SLC25A26: variants seen among roughly 807,000 people sequenced by gnomAD.
The protein encoded by SLC25A26 is solute carrier family 25 member 26, also known as mitochondrial S-adenosylmethionine carrier protein.
In SLC25A26, 36 loss-of-function variants were observed where a neutral mutation model predicts 37.8. That is an observed-to-expected ratio of 0.95 (90% CI 0.73 to 1.26). The LOEUF is 1.26. Ranked by LOEUF, SLC25A26 falls within the 50% of genes most tolerant of loss-of-function variation. The probability of loss-of-function intolerance (pLI) is 0.00; values close to 1 mark genes in which losing one functional copy is unlikely to be tolerated. For synonymous variants in SLC25A26, 129 were observed against 122.5 expected, an observed-to-expected ratio of 1.05 and a Z score of -0.35; for missense variants, 390 against 331.1, an observed-to-expected ratio of 1.18 and a Z score of -1.38.
intron 6 of SLC25A26, among the ~76,000 whole-genome samples, chr3:66,349,634 A>G (rs1160328454): frequency 6.6e-6 from 1 of 152,146 alleles, no homozygotes; most frequent in African/African-American, 2.4e-5. Context: ...CCAGTTTTTG[A>G]TGATTATAAA....
intron 1 of SLC25A26, among the ~76,000 whole-genome samples, chr3:66,153,041 A>G (rs2070228704): frequency 6.6e-6 from 1 of 152,224 alleles, no homozygotes; most frequent in Non-Finnish European, 1.5e-5. Flanking sequence ...AGTTAAGGCT[A>G]GGAGCCATTT....
intron 5 of SLC25A26, among the ~76,000 whole-genome samples, chr3:66,316,754 C>A (rs879335451): frequency 1.3e-5 from 2 of 152,148 alleles, no homozygotes; most frequent in Non-Finnish European, 2.9e-5. Flanking sequence ...TCAGGTACCC[C>A]ATCAGCTGTA....
chr3:66,297,965 A>T (rs1576822993), intron 5 of SLC25A26, among the ~76,000 whole-genome samples: 1 of 152,206 alleles, frequency 6.6e-6, no homozygotes. Context: ...CAAATTTGCA[A>T]ATTATGAAAA....
In SLC25A26 at chr3:66,346,402, C is replaced by A; in HGVS notation, c.492C>A (p.Ser164=). ...FSLVQFPLWE[S]LKALWSWRQD... ...TGGTCCAGTTTCCCTTATGGGAGTC[C>A]TTAAAAGTAAGTTTCTCAGTCTTCA... is the stretch of plus-strand genomic sequence containing the variant. Residue 164 remains serine, a synonymous_variant, in exon 6 of 10, where the codon TCC becomes TCA. Coordinates refer to ENST00000354883, the MANE Select transcript of SLC25A26 (RefSeq NM_001379210.1). 1 of 1,472,702 alleles carries A rather than the reference C, an allele frequency of 6.8e-7. No individual in the cohort carries two copies. Among genetic ancestry groups the A allele is most frequent in the Admixed American group, 2.5e-5 (1 of 40,202 alleles). The allele number at this position is 1,472,702 out of a possible 1,614,324, so 91.2% of individuals were successfully genotyped here. A position where few individuals can be genotyped will look rare whatever the true frequency, so the allele number is the denominator to read the frequency against.
intron 5 of SLC25A26, among the ~76,000 whole-genome samples, chr3:66,331,446 A>G (rs2075971806): frequency 6.6e-6 from 1 of 152,120 alleles, no homozygotes. Flanking sequence ...TAACCTTTTA[A>G]ATCTCATTTC....
chr3:66,349,897 C>T (rs1032459011), intron 6 of SLC25A26, among the ~76,000 whole-genome samples: 1 of 152,068 alleles, frequency 6.6e-6, no homozygotes, highest in Non-Finnish European at 1.5e-5. Context: ...TTTTTCCAGC[C>T]ATTCTAGTAC....
At chr3:66,159,423 C>T (rs771289501) in intron 1 of SLC25A26, among the ~76,000 whole-genome samples, 4 of 152,128 alleles carry the variant, frequency 2.6e-5, no homozygotes, top group Non-Finnish European at 5.9e-5. Context: ...AGATTTTGTG[C>T]CATGTAAATT....
At chr3:66,298,092 C>G (rs2074963281) in intron 5 of SLC25A26, among the ~76,000 whole-genome samples, 1 of 152,200 alleles carries the variant, frequency 6.6e-6, no homozygotes, top group Non-Finnish European at 1.5e-5. Flanking sequence ...TTGAGATCTT[C>G]TGAATCAGAA....
chr3:66,362,971 GA>G (rs960354704), intron 7 of SLC25A26, 42 bp downstream of exon 7: 13 of 1,303,188 alleles, frequency 1.0e-5, no homozygotes, highest in South Asian at 5.5e-5. Flanking sequence ...CAAAGAGGGG[GA>G]AAAATGTGAA....
intron 1 of SLC25A26, among the ~76,000 whole-genome samples, chr3:66,227,619 A>G (rs781879556): frequency 7.2e-5 from 11 of 152,224 alleles, no homozygotes; most frequent in Admixed American, 2.0e-4. Flanking sequence ...AATCATGGTA[A>G]CTGAAATTCA....
Position 66,243,240 on chromosome 3 carries a change from G to A in SLC25A26, c.228G>A (p.Trp76Ter). Residue 76 changes from tryptophan to a stop codon, truncating the protein, a stop_gained, in exon 3 of 10, where the codon TGG becomes TGA. Coordinates refer to ENST00000354883, the MANE Select transcript of SLC25A26 (RefSeq NM_001379210.1). LOFTEE classifies it high-confidence loss of function. Reference protein sequence around the residue: ...AFFITYEYVKWFLHADSSSYL... With the variant: ...AFFITYEYVK ...TTATCACCTATGAATATGTGAAGTGGTTTTTGCATGCTGATTCATCTTCAT... is the reference window on the plus strand; with the variant it reads ...TTATCACCTATGAATATGTGAAGTGATTTTTGCATGCTGATTCATCTTCAT... The A allele has an allele frequency of 6.2e-7, 1 of 1,609,306 alleles. No homozygotes were observed. Among genetic ancestry groups the A allele is most frequent in the Non-Finnish European group, 8.5e-7 (1 of 1,177,074 alleles).
At chr3:66,366,382 A>G (rs113475040) in intron 7 of SLC25A26, among the ~76,000 whole-genome samples, 3 of 152,176 alleles carry the variant, frequency 2.0e-5, no homozygotes, top group Admixed American at 2.0e-4. Flanking sequence ...TATTATCTTC[A>G]CAAGTCCTCC....
chr3:66,271,135 T>C (rs1356424555), intron 5 of SLC25A26, among the ~76,000 whole-genome samples: 4 of 152,174 alleles, frequency 2.6e-5, no homozygotes, highest in Admixed American at 2.0e-4. Flanking sequence ...ACCATAGTGT[T>C]GAAGTAGCTC....
intron 6 of SLC25A26, 79 bp downstream of exon 6, chr3:66,346,487 TA>T (rs1486552583): frequency 1.0e-5 from 5 of 484,082 alleles, no homozygotes; most frequent in African/African-American, 6.6e-5. Context: ...GAGTAGAACA[TA>T]ATGTTGACTA....
At chr3:66,326,906 C>T (rs950613297) in intron 5 of SLC25A26, among the ~76,000 whole-genome samples, 2 of 152,198 alleles carry the variant, frequency 1.3e-5, no homozygotes, top group Non-Finnish European at 2.9e-5. Flanking sequence ...ACTTATAGGC[C>T]ATGCAGACTG....
intron 5 of SLC25A26, among the ~76,000 whole-genome samples, chr3:66,325,237 A>T (rs1240325502): frequency 1.3e-5 from 2 of 152,208 alleles, no homozygotes; most frequent in African/African-American, 4.8e-5. Flanking sequence ...ATAAAAATCA[A>T]ATACAAATTA....
intron 1 of SLC25A26, among the ~76,000 whole-genome samples, chr3:66,183,382 G>T (rs1176690640): frequency 6.6e-6 from 1 of 151,692 alleles, no homozygotes; most frequent in Non-Finnish European, 1.5e-5. Context: ...TTGTCTATAG[G>T]CAGACTCTAA....
intron 8 of SLC25A26, 82 bp downstream of exon 8, chr3:66,369,624 A>C (rs1250362390): frequency 2.5e-6 from 3 of 1,187,310 alleles, no homozygotes; most frequent in Non-Finnish European, 3.7e-6. Context: ...TAAAGTGAAC[A>C]CAAATGGCTA....
At chr3:66,234,739 A>G (rs2072193475) in intron 1 of SLC25A26, among the ~76,000 whole-genome samples, 1 of 152,224 alleles carries the variant, frequency 6.6e-6, no homozygotes, top group Non-Finnish European at 1.5e-5. Context: ...GCTTTGTAGC[A>G]TTGCACATTT....
Sources: gnomAD v4.1 joint callset for allele counts (sites outside exome capture counted in the v4.1 genomes callset) on GRCh38, gnomAD v4.1.1 for gene constraint, MANE v1.5 for transcripts, NCBI Gene and HGNC (gene_info 2026-07-23, HGNC 2026-07-21) for gene names.